Variants in KIF21B observed in about 807,000 individuals in gnomAD.
The protein encoded by KIF21B is kinesin family member 21B, also known as kinesin-like protein KIF21B.
KIF21B carries 85 observed loss-of-function variants against 192.9 expected under a neutral mutation model. The ratio of observed to expected loss-of-function variants is 0.44; its 90% confidence interval spans 0.37 to 0.53. The LOEUF (loss-of-function observed/expected upper bound fraction) is 0.53, where lower values mean the gene tolerates loss of function less well. Among genes scored for constraint, KIF21B ranks in the 20% least tolerant of loss-of-function variants. KIF21B has a pLI of 0.00. For missense variants in KIF21B, 1,716 were observed against 2,194.8 expected (o/e 0.78, Z 4.36); for synonymous variants, 832 against 884.6 (o/e 0.94, Z 1.05).
chr1:200,999,239 G>T lies in KIF21B; in HGVS notation c.1885+110C>A. On this transcript the variant is annotated intron_variant, in intron 13 of 34. Transcript: ENST00000461742. This position sits in a 1 kb window ranked among gnomAD's most constrained non-coding sequence, Gnocchi z 4.7. ...CCTGTTGTCATTGGTTTCACGTCTG[G>T]GAGTGCTGGGGCCTGGACACCATTA... is the stretch of plus-strand genomic sequence containing the variant. 2 of 1,303,010 alleles carry T rather than the reference G, an allele frequency of 1.5e-6. No individual in the cohort carries two copies. The highest frequency in any genetic ancestry group is 1.1e-6 in the Non-Finnish European group (1 of 904,392). The allele number at this position is 1,303,010 out of a possible 1,614,324, so 80.7% of individuals were successfully genotyped here. A position where few individuals can be genotyped will look rare whatever the true frequency, so the allele number is the denominator to read the frequency against.
intron 15 of KIF21B, 46 bp downstream of exon 15, chr1:200,996,150 T>C: frequency 1.3e-6 from 2 of 1,548,756 alleles, no homozygotes; most frequent in Non-Finnish European, 1.8e-6. Context: ...TCTAAGAAGA[T>C]GTCACAGGCA....
At chr1:200,985,799 C>T (rs1239674631) in intron 26 of KIF21B, among the ~76,000 whole-genome samples, 2 of 99,446 alleles carry the variant, frequency 2.0e-5, no homozygotes, top group Non-Finnish European at 4.0e-5. Flanking sequence ...CCCCTCCCCT[C>T]CCCTCCCCTC....
At chr1:201,007,523 GACAC>G (rs1200916954) in intron 3 of KIF21B, among the ~76,000 whole-genome samples, 14 of 107,282 alleles carry the variant, frequency 1.3e-4, no homozygotes, top group Non-Finnish European at 2.0e-4. Flanking sequence ...CACACACAGA[GACAC>G]ACAGACACAC....
At chr1:201,009,723 T>C (rs1037737628) in intron 1 of KIF21B, among the ~76,000 whole-genome samples, 14 of 152,350 alleles carry the variant, frequency 9.2e-5, no homozygotes, top group South Asian at 2.1e-4. Flanking sequence ...ATATATCAGA[T>C]CTGTGTTCAG....
In KIF21B at chr1:200,988,796, G is replaced by A. The variant is rs563827414; in HGVS notation, c.3268C>T (p.Leu1090=). Reference sequence around the variant, plus strand: ...TGCACATTGTAGATGAGGGCCTGCAGCTCGGGGTGAGCTTCAGCCTTCTCA... The same window carrying A: ...TGCACATTGTAGATGAGGGCCTGCAACTCGGGGTGAGCTTCAGCCTTCTCA... ...LREKAEAHPE[L]QALIYNVQQE... The change falls in exon 22 of 35, where the codon CTG becomes TTG. Residue 1090 remains leucine, a synonymous_variant. Transcript: ENST00000461742. The A allele has an allele frequency of 3.0e-4, 479 of 1,613,884 alleles. 4 individuals carry two copies. The South Asian group carries it at 5.0e-3, about 17-fold the overall frequency.
chr1:200,977,265 G>A lies in KIF21B; in HGVS notation c.4272C>T (p.Gly1424=). The change falls in exon 31 of 35, where the codon GGC becomes GGT. Residue 1424 remains glycine (G), a synonymous_variant. Coordinates refer to ENST00000461742, the MANE Select transcript of KIF21B (RefSeq NM_001252102.2). ...QINQIALSPS[G]TMLYAASGNA... ...TGCCCGAGGCGGCGTACAGCATGGTGCCCGAAGGGCTGAGGGCGATCTGGT... is the reference window on the plus strand; with the variant it reads ...TGCCCGAGGCGGCGTACAGCATGGTACCCGAAGGGCTGAGGGCGATCTGGT... The A allele has an allele frequency of 1.2e-6, 2 of 1,614,166 alleles. No homozygotes were observed. Among genetic ancestry groups the A allele is most frequent in the East Asian group, 2.2e-5 (1 of 44,874 alleles).
At chr1:200,983,889 C>T (rs1656113652) in intron 27 of KIF21B, among the ~76,000 whole-genome samples, 1 of 152,156 alleles carries the variant, frequency 6.6e-6, no homozygotes, top group African/African-American at 2.4e-5. Flanking sequence ...GTATTTTGAC[C>T]CAGGAAGGGG....
At position 200,998,405 on chromosome 1, in the gene KIF21B, C is replaced by T. The variant is rs1361491079; in HGVS notation, c.2056G>A (p.Asp686Asn). 6.2e-6 allele frequency: 10 copies of T among 1,613,174 alleles called. No individual in the cohort carries two copies. The highest frequency in any genetic ancestry group is 1.7e-5 in the Admixed American group (1 of 59,994). ...NKIRDTQLERDRVLQNLSTME... is the reference protein window; with the variant it reads ...NKIRDTQLERNRVLQNLSTME... ...TCACTGAGGTTCTGCAGCACACGGTCGCGCTCCAGCTGTGTGTCTCGGATC... is the reference window on the plus strand; with the variant it reads ...TCACTGAGGTTCTGCAGCACACGGTTGCGCTCCAGCTGTGTGTCTCGGATC... Residue 686 changes from aspartate to asparagine, a missense_variant, in exon 14 of 35, where the codon GAC becomes AAC. Transcript: ENST00000461742. The surrounding 1 kb of genome is among the most constrained non-coding windows in gnomAD (Gnocchi z 4.3).
intron 3 of KIF21B, among the ~76,000 whole-genome samples, chr1:201,006,371 G>C (rs565730665): frequency 2.6e-5 from 4 of 152,236 alleles, no homozygotes; most frequent in Non-Finnish European, 5.9e-5. Flanking sequence ...AGTGTCACCT[G>C]CTGAAGAGCT....
chr1:200,974,136 G>C (rs780134125), intron 34 of KIF21B: 1 of 1,600,596 alleles, frequency 6.2e-7, no homozygotes. Context: ...GCCAGGACTC[G>C]GCGAGGAAGG....
chr1:200,997,436 C>G (rs867629721), intron 14 of KIF21B, among the ~76,000 whole-genome samples: 1 of 152,162 alleles, frequency 6.6e-6, no homozygotes, highest in Non-Finnish European at 1.5e-5. Context: ...GAAGTCTTCA[C>G]GACCATCCTT....
intron 27 of KIF21B, among the ~76,000 whole-genome samples, 185 bp from the exon 28 acceptor site, chr1:200,983,279 G>A (rs1366079926): frequency 6.6e-6 from 1 of 152,114 alleles, no homozygotes; most frequent in African/African-American, 2.4e-5. Flanking sequence ...TGGTCTGGGA[G>A]CTGGGACTCT....
Position 200,996,288 on chromosome 1 carries a change from T to C in KIF21B, c.2185A>G (p.Lys729Glu). Residue 729 changes from lysine to glutamate, a missense_variant, in exon 15 of 35, where the codon AAA becomes GAA. Physicochemically the swap from Lys to Glu is moderately conservative, Grantham distance 56. Coordinates refer to ENST00000461742, the MANE Select transcript of KIF21B (RefSeq NM_001252102.2). ...TTCTTAAGCAGCCGGGCGTGCTCTT[T>C]CTGGGCGGCCTGCAGCTTCTGCAGG... ...RDLQKLQAAQ[K>E]EHARLLKNQS... 4 of 1,614,164 alleles carry C rather than the reference T, an allele frequency of 2.5e-6. No individual in the cohort carries two copies. Among genetic ancestry groups the C allele is most frequent in the Non-Finnish European group, 3.4e-6 (4 of 1,180,026 alleles).
At chr1:201,015,966 T>C (rs1658477157) in intron 1 of KIF21B, among the ~76,000 whole-genome samples, 1 of 152,194 alleles carries the variant, frequency 6.6e-6, no homozygotes, top group Non-Finnish European at 1.5e-5. Flanking sequence ...CTAGGACTTA[T>C]CTGATGAGGA....
Position 200,975,418 on chromosome 1 carries a change from T to C in KIF21B, c.4614+81A>G, listed in dbSNP as rs2102369819. ...CTGGCCTGGGGCCCGCGAGTCCAGG[T>C]CCCAGGGTCTCCAAGGCCCTGCGTG... On this transcript the variant is annotated intron_variant, in intron 33 of 34. Transcript: ENST00000461742. The surrounding 1 kb of genome is among the most constrained non-coding windows in gnomAD (Gnocchi z 4.3). 1 of 1,338,098 alleles carries C rather than the reference T, an allele frequency of 7.5e-7. No individual in the cohort carries two copies. The highest frequency in any genetic ancestry group is 1.0e-6 in the Non-Finnish European group (1 of 959,782). The allele number at this position is 1,338,098 out of a possible 1,614,324, so 82.9% of individuals were successfully genotyped here.
At position 201,004,354 on chromosome 1, in the gene KIF21B, C is replaced by T. The variant is rs555895863; in HGVS notation, c.1002G>A (p.Ser334=). ...DSKLTRLLQD[S]LGGNSQTIMI... ...TCACCAGATACCTGTTGCCCCCCAG[C>T]GAATCCTGGAGGAGCCGAGTGAGCT... is the stretch of plus-strand genomic sequence containing the variant. The change falls in exon 7 of 35, where the codon TCG becomes TCA. Residue 334 remains serine, a synonymous_variant. Coordinates refer to ENST00000461742, the MANE Select transcript of KIF21B (RefSeq NM_001252102.2). The T allele has an allele frequency of 3.4e-5, 53 of 1,567,498 alleles. No homozygotes were observed. The highest frequency in any genetic ancestry group is 9.4e-5 in the African/African-American group (7 of 74,206).
In KIF21B at chr1:200,989,913, C is replaced by T. The variant is rs748501511; in HGVS notation, c.3132+29G>A. The T allele has an allele frequency of 1.9e-6, 3 of 1,552,954 alleles. No individual in the cohort carries two copies. The South Asian group carries it at 3.4e-5, about 17-fold the overall frequency. On this transcript the variant is annotated intron_variant, in intron 21 of 34. Coordinates refer to ENST00000461742, the MANE Select transcript of KIF21B (RefSeq NM_001252102.2). Reference sequence around the variant, plus strand: ...CACAGAGGCATCTGTGCCCATAGAGCCCCCTGCCCATGTACGCTCCCAGCT... The same window carrying T: ...CACAGAGGCATCTGTGCCCATAGAGTCCCCTGCCCATGTACGCTCCCAGCT...
chr1:201,022,711 C>A (rs779394234), intron 1 of KIF21B, among the ~76,000 whole-genome samples: 1 of 152,216 alleles, frequency 6.6e-6, no homozygotes, highest in East Asian at 1.9e-4. Context: ...CACCCTCCTG[C>A]CCTCTCAGAG....
Position 201,003,920 on chromosome 1 carries a change from C to A in KIF21B, c.1017-139G>T, listed in dbSNP as rs755291189. On this transcript the variant is annotated intron_variant, in intron 7 of 34. Transcript: ENST00000461742. ...AAGCACGTGGGCATTCAGGACAGAA[C>A]CTGGGATGTGGGGAGCTGGACCATC... 2.1e-4 allele frequency: 182 copies of A among 854,624 alleles called. 2 individuals are homozygous for A. The highest frequency in any genetic ancestry group is 2.0e-3 in the Middle Eastern group (6 of 3,038). 52.9% of individuals were successfully genotyped at this position (854,624 alleles called of 1,614,324 possible).
Sources: allele counts gnomAD v4.1 joint callset (sites outside exome capture counted in the v4.1 genomes callset), GRCh38; gene constraint gnomAD v4.1.1; non-coding constraint Gnocchi (gnomAD v3.1); transcripts MANE v1.5; gene names NCBI Gene and HGNC (gene_info 2026-07-23, HGNC 2026-07-21).